PTPRG: variants seen among roughly 807,000 people sequenced by gnomAD.
PTPRG encodes the protein protein tyrosine phosphatase receptor type G, also known as receptor-type tyrosine-protein phosphatase gamma.
In PTPRG, 102 loss-of-function variants were observed where a neutral mutation model predicts 165.3. The observed-to-expected ratio is 0.62, with a 90% CI of 0.53 to 0.73. PTPRG has a LOEUF of 0.73. Among genes scored for constraint, PTPRG ranks in the 30% least tolerant of loss-of-function variants. The pLI, the probability that PTPRG is intolerant of heterozygous loss-of-function variation, is 0.00. For missense variants in PTPRG, 1,866 were observed against 1,861.4 expected, an observed-to-expected ratio of 1.00 and a Z score of -0.05; for synonymous variants, 675 against 669.5, an observed-to-expected ratio of 1.01 and a Z score of -0.13.
intron 7 of PTPRG, among the ~76,000 whole-genome samples, chr3:62,166,712 C>T (rs1412653844): frequency 6.6e-6 from 1 of 152,016 alleles, no homozygotes; most frequent in Non-Finnish European, 1.5e-5. Flanking sequence ...GTTTTTGAGA[C>T]AGGGTCTCAC....
intron 28 of PTPRG, among the ~76,000 whole-genome samples, chr3:62,291,721 C>T (rs1702905098): frequency 6.6e-6 from 1 of 152,198 alleles, no homozygotes; most frequent in South Asian, 2.1e-4. Flanking sequence ...TTTAATCCAT[C>T]TGTTTTCTCA....
At chr3:62,133,373 C>T (rs74596610) in intron 6 of PTPRG, among the ~76,000 whole-genome samples, 2,787 of 152,278 alleles carry the variant, frequency 0.018, 35 homozygotes, top group Middle Eastern at 0.061. Context: ...ATTAGAATTC[C>T]AGAGACGTTG....
At chr3:61,594,952 T>A (rs1286149536) in intron 1 of PTPRG, among the ~76,000 whole-genome samples, 1 of 152,162 alleles carries the variant, frequency 6.6e-6, no homozygotes, top group Non-Finnish European at 1.5e-5. Context: ...TGCACTGATT[T>A]TTTTTTTCTT....
chr3:62,046,261 G>GTA (rs1553708989), intron 4 of PTPRG, among the ~76,000 whole-genome samples: 11,135 of 151,748 alleles, frequency 0.073, 540 homozygotes, highest in Admixed American at 0.11. Context: ...TTCCCCCAGA[G>GTA]CGTATCCTTG....
chr3:62,203,683 C>T lies in PTPRG; in HGVS notation c.1888C>T (p.Pro630Ser). Reference protein sequence around the residue: ...QTEPSPTPSSPNRTAEGGHQT... With the variant: ...QTEPSPTPSSSNRTAEGGHQT... Reference sequence around the variant, plus strand: ...GGAGCCCAGCCCCACACCCTCGTCTCCTAACAGGACTGCCGAGGGAGGGCA... The same window carrying T: ...GGAGCCCAGCCCCACACCCTCGTCTTCTAACAGGACTGCCGAGGGAGGGCA... The change falls in exon 12 of 30, where the codon CCT (proline) becomes TCT (serine). Residue 630 changes from proline to serine, a missense_variant. By Grantham distance (74) the Pro-to-Ser change is moderately conservative. Around this residue, in one of 3 missense-constraint regions of PTPRG, gnomAD observed 1,452 missense variants for 1,463.0 expected, o/e 0.99. Transcript: ENST00000474889. The surrounding 1 kb of genome is among the most constrained non-coding windows in gnomAD (Gnocchi z 6.4). The T allele has an allele frequency of 6.4e-7, 1 of 1,569,656 alleles. No individual in the cohort carries two copies. The highest frequency in any genetic ancestry group is 1.3e-5 in the African/African-American group (1 of 74,188).
In PTPRG at chr3:61,597,511, A is replaced by G. The variant is rs565856654; in HGVS notation, c.85+35139A>G. Among the ~76,000 whole-genome samples the G allele has an allele frequency of 2.0e-5, 3 of 152,336 alleles. No individual in the cohort carries two copies. In the South Asian group the frequency reaches 6.2e-4, roughly 32 times the overall value. ...TGTTGAATTTTACTTTCCCTGGTCT[A>G]TTAGTTTAGAATACCACCAGCTGCC... On this transcript the variant is annotated intron_variant, in intron 1 of 29. Transcript: ENST00000474889.
intron 28 of PTPRG, among the ~76,000 whole-genome samples, chr3:62,288,672 CAAA>C (rs781432160): frequency 6.1e-5 from 5 of 81,648 alleles, no homozygotes; most frequent in Non-Finnish European, 5.2e-5. Context: ...TACTCCGTCA[CAAA>C]AAAAAAAAAA....
chr3:61,815,337 G>C (rs868418581), intron 2 of PTPRG, among the ~76,000 whole-genome samples: 1 of 152,232 alleles, frequency 6.6e-6, no homozygotes, highest in Middle Eastern at 3.4e-3. Context: ...TTCAGCCTGG[G>C]AGGTGGAGGT....
At chr3:61,874,857 G>T (rs1247135161) in intron 2 of PTPRG, among the ~76,000 whole-genome samples, 37 of 152,168 alleles carry the variant, frequency 2.4e-4, no homozygotes, top group Admixed American at 2.4e-3. Flanking sequence ...TGAATTCCCA[G>T]ACTTCTTCAC....
chr3:61,590,952 A>T (rs1285362214), intron 1 of PTPRG, among the ~76,000 whole-genome samples: 1 of 152,182 alleles, frequency 6.6e-6, no homozygotes, highest in Non-Finnish European at 1.5e-5. Flanking sequence ...TCTATTAAAA[A>T]TACAAAAATT....
intron 4 of PTPRG, among the ~76,000 whole-genome samples, chr3:62,047,055 C>G (rs1237397199): frequency 6.6e-6 from 1 of 152,060 alleles, no homozygotes; most frequent in Non-Finnish European, 1.5e-5. Flanking sequence ...ATAAGTGGAA[C>G]CCAGAATTAG....
chr3:62,292,221 A>C (rs1702922624), intron 28 of PTPRG, among the ~76,000 whole-genome samples, 200 bp from the exon 29 acceptor site: 1 of 152,086 alleles, frequency 6.6e-6, no homozygotes, highest in African/African-American at 2.4e-5. Flanking sequence ...AATTTGGGAT[A>C]CTCCACTTTC....
At position 62,218,830 on chromosome 3, in the gene PTPRG, TG is replaced by T; in HGVS notation, c.2156-18del. The T allele has an allele frequency of 6.2e-7, 1 of 1,609,454 alleles. No individual in the cohort carries two copies. The highest frequency in any genetic ancestry group is 8.5e-7 in the Non-Finnish European group (1 of 1,177,590). Reference sequence around the variant, plus strand: ...CCTCCACTAACCTCTGTCCTCTAACTGGGATGATTTCTCTTGGCAGCGGAAA... The same window carrying T: ...CCTCCACTAACCTCTGTCCTCTAACTGGATGATTTCTCTTGGCAGCGGAAA... On this transcript the variant is annotated intron_variant, in intron 12 of 29. Coordinates refer to ENST00000474889, the MANE Select transcript of PTPRG (RefSeq NM_002841.4).
chr3:61,620,829 A>G (rs1016151221), intron 1 of PTPRG, among the ~76,000 whole-genome samples: 1 of 151,744 alleles, frequency 6.6e-6, no homozygotes, highest in Non-Finnish European at 1.5e-5. Context: ...GGGTTTCACT[A>G]TGTTGGCCAG....
At chr3:62,269,008 T>C (rs1194735916) in intron 19 of PTPRG, 27 bp from the exon 20 acceptor site, 5 of 1,535,720 alleles carry the variant, frequency 3.3e-6, no homozygotes, top group South Asian at 1.3e-5. Context: ...ATTGCAGTTA[T>C]ACTTTACAAC....
chr3:61,642,531 G>A (rs1319701879), intron 1 of PTPRG, among the ~76,000 whole-genome samples: 1 of 152,056 alleles, frequency 6.6e-6, no homozygotes, highest in Non-Finnish European at 1.5e-5. Context: ...TTTGCCCCTG[G>A]CACCGCAGAG....
At chr3:61,626,953 A>G (rs982042634) in intron 1 of PTPRG, among the ~76,000 whole-genome samples, 2 of 152,212 alleles carry the variant, frequency 1.3e-5, no homozygotes, top group East Asian at 1.9e-4. Flanking sequence ...GGGGAATTCT[A>G]CACTACAAAT....
rs376160752 is a variant in PTPRG, at chr3:62,218,942, C to T, written c.2247C>T (p.Phe749=). 1.3e-5 allele frequency: 21 copies of T among 1,613,966 alleles called. No homozygotes were observed. The highest frequency in any genetic ancestry group is 1.6e-5 in the Non-Finnish European group (19 of 1,179,984). ...IPLIVVSALT[F]VCLILLIAVL... ...TGATTGTGGTATCAGCCTTGACCTT[C>T]GTGTGCCTCATCCTTCTCATTGCTG... The change falls in exon 13 of 30, where the codon TTC becomes TTT. Residue 749 remains phenylalanine, a synonymous_variant. Transcript: ENST00000474889.
intron 8 of PTPRG, among the ~76,000 whole-genome samples, chr3:62,180,146 C>A (rs1034504503): frequency 1.3e-5 from 2 of 152,190 alleles, no homozygotes; most frequent in African/African-American, 4.8e-5. Flanking sequence ...TCAAGTATTT[C>A]TATAAAATCC....
Sources: allele counts gnomAD v4.1 joint callset (sites outside exome capture counted in the v4.1 genomes callset), GRCh38; gene constraint gnomAD v4.1.1; regional missense constraint gnomAD v4.1.1; non-coding constraint Gnocchi (gnomAD v3.1); transcripts MANE v1.5; gene names NCBI Gene and HGNC (gene_info 2026-07-23, HGNC 2026-07-21).